CNOT6: variants seen among roughly 807,000 people sequenced by gnomAD.
CNOT6 encodes the protein carbon catabolite repression 4 protein.
A neutral mutation model predicts 61.2 loss-of-function variants in CNOT6; 12 were observed. The ratio of observed to expected loss-of-function variants is 0.20; its 90% CI spans 0.13 to 0.32. The LOEUF (loss-of-function observed/expected upper bound fraction) is 0.32. Ranked by LOEUF, CNOT6 falls within the 10% of genes least tolerant of loss-of-function variation. CNOT6 has a pLI of 1.00. For synonymous variants in CNOT6, 225 were observed against 240.6 expected, an observed-to-expected ratio of 0.94 and a Z score of 0.60; for missense variants, 405 against 663.9, an observed-to-expected ratio of 0.61 and a Z score of 4.28.
At position 180,550,089 on chromosome 5, in the gene CNOT6, G is replaced by T. The variant is rs368192786; in HGVS notation, c.271G>T (p.Ala91Ser). ...LSSNKIRSLPAELGNMVSLRE... is the reference protein window; with the variant it reads ...LSSNKIRSLPSELGNMVSLRE... ...ATCTAATAAAATTCGTAGCTTACCCGCAGAACTCGGAAACATGGTATCACT... is the reference window on the plus strand; with the variant it reads ...ATCTAATAAAATTCGTAGCTTACCCTCAGAACTCGGAAACATGGTATCACT... Residue 91 changes from alanine (A) to serine (S), a missense_variant, in exon 3 of 12, where the codon GCA becomes TCA. Around this residue, in one of 5 missense-constraint regions of CNOT6, gnomAD observed 212 missense variants for 307.1 expected, o/e 0.69. Coordinates refer to ENST00000261951, the MANE Select transcript of CNOT6 (RefSeq NM_001370472.1). The T allele has an allele frequency of 6.2e-7, 1 of 1,613,822 alleles. No individual in the cohort carries two copies. Among genetic ancestry groups the T allele is most frequent in the Non-Finnish European group, 8.5e-7 (1 of 1,179,868 alleles).
chr5:180,574,022 A>G lies in CNOT6; in HGVS notation c.1496A>G (p.Gln499Arg), dbSNP rs951383752. 28 of 1,613,834 alleles carry G rather than the reference A, an allele frequency of 1.7e-5. No homozygotes were observed. Among genetic ancestry groups the G allele is most frequent in the Non-Finnish European group, 2.0e-5 (24 of 1,179,902 alleles). ...GACTACATTTTCTATTCTAAACCTC[A>G]GCTGAACACCTTAGGCATCCTGGGC... Reference protein sequence around the residue: ...IIDYIFYSKPQLNTLGILGPL... With the variant: ...IIDYIFYSKPRLNTLGILGPL... Residue 499 changes from glutamine (Q) to arginine (R), a missense_variant, in exon 12 of 12, where the codon CAG becomes CGG. Gln to Arg is a conservative substitution (Grantham distance 43, BLOSUM62 1). Around this residue, in one of 5 missense-constraint regions of CNOT6, gnomAD observed 52 missense variants for 69.3 expected, o/e 0.75. Transcript: ENST00000261951.
chr5:180,539,540 C>T (rs1581524440), intron 2 of CNOT6, among the ~76,000 whole-genome samples: 1 of 75,642 alleles, frequency 1.3e-5, no homozygotes, highest in Non-Finnish European at 2.8e-5. Flanking sequence ...GACTTCAGTA[C>T]TTTTTCTGTT....
At chr5:180,520,064 C>A (rs1757814725) in intron 1 of CNOT6, among the ~76,000 whole-genome samples, 1 of 151,988 alleles carries the variant, frequency 6.6e-6, no homozygotes, top group Admixed American at 6.6e-5. Flanking sequence ...GAACTCCTGA[C>A]CTCAAGTGAT....
At chr5:180,530,136 T>G (rs1294145232) in intron 2 of CNOT6, among the ~76,000 whole-genome samples, 1 of 152,258 alleles carries the variant, frequency 6.6e-6, no homozygotes, top group Non-Finnish European at 1.5e-5. Context: ...TCCTTTCAGT[T>G]TGTTCTGATT....
chr5:180,538,413 C>T (rs925277579), intron 2 of CNOT6, among the ~76,000 whole-genome samples: 2 of 145,610 alleles, frequency 1.4e-5, no homozygotes, highest in Admixed American at 1.4e-4. Flanking sequence ...AGGCCAGGCG[C>T]GGTGGCTCAC....
At chr5:180,561,619 C>T (rs1199784067) in intron 4 of CNOT6, among the ~76,000 whole-genome samples, 1 of 152,124 alleles carries the variant, frequency 6.6e-6, no homozygotes, top group African/African-American at 2.4e-5. Context: ...TTTTCTTTGC[C>T]TAGCACTGCT....
intron 1 of CNOT6, among the ~76,000 whole-genome samples, chr5:180,495,076 G>T (rs1157466270): frequency 6.6e-6 from 1 of 152,222 alleles, no homozygotes; most frequent in African/African-American, 2.4e-5. Flanking sequence ...GTCGTCGGAG[G>T]AGGCGAGTCC....
chr5:180,514,957 G>A (rs886695413), intron 1 of CNOT6, among the ~76,000 whole-genome samples: 1 of 152,156 alleles, frequency 6.6e-6, no homozygotes, highest in Admixed American at 6.5e-5. Context: ...GGTGATATAT[G>A]CTGTGGTAAA....
chr5:180,549,511 A>G (rs540098268), intron 2 of CNOT6, among the ~76,000 whole-genome samples: 134 of 152,144 alleles, frequency 8.8e-4, no homozygotes, highest in South Asian at 1.5e-3. Flanking sequence ...TTAGCCGGGC[A>G]TGGTGGCGGG....
chr5:180,512,982 G>A (rs947333474), intron 1 of CNOT6, among the ~76,000 whole-genome samples: 7 of 150,750 alleles, frequency 4.6e-5, no homozygotes, highest in African/African-American at 1.7e-4. Flanking sequence ...TGCAAGCTCC[G>A]CCTCCTGGGT....
chr5:180,567,056 A>G (rs1347573015), intron 7 of CNOT6, 32 bp from the exon 8 acceptor site: 1 of 1,573,684 alleles, frequency 6.4e-7, no homozygotes, highest in Non-Finnish European at 8.6e-7. Context: ...TTTTTGTCTT[A>G]TGAAATAACT....
intron 2 of CNOT6, among the ~76,000 whole-genome samples, chr5:180,543,136 G>A (rs1382527966): frequency 6.6e-6 from 1 of 152,104 alleles, no homozygotes; most frequent in East Asian, 1.9e-4. Context: ...TCTGGTCACT[G>A]CAAGCTCTGC....
In CNOT6 at chr5:180,574,490, G is replaced by T; in HGVS notation, c.*290G>T. 1 of 435,296 alleles carries T rather than the reference G, an allele frequency of 2.3e-6. No individual in the cohort carries two copies. Among genetic ancestry groups the T allele is most frequent in the East Asian group, 4.6e-5 (1 of 21,628 alleles). 27.0% of individuals were successfully genotyped at this position (435,296 alleles called of 1,614,324 possible). Reference sequence around the variant, plus strand: ...TACCCAATAGAATATTTTCATGCCTGGAAATAGGAAAATGTGTGAACAGCG... The same window carrying T: ...TACCCAATAGAATATTTTCATGCCTTGAAATAGGAAAATGTGTGAACAGCG... On this transcript the variant is annotated 3_prime_UTR_variant, in exon 12 of 12. Coordinates refer to ENST00000261951, the MANE Select transcript of CNOT6 (RefSeq NM_001370472.1).
intron 1 of CNOT6, among the ~76,000 whole-genome samples, chr5:180,501,830 G>C (rs1390687873): frequency 1.3e-5 from 2 of 152,164 alleles, no homozygotes. Flanking sequence ...ATAGTGCCAA[G>C]AAAGAAGGAG....
At chr5:180,525,727 A>G (rs72812937) in intron 1 of CNOT6, among the ~76,000 whole-genome samples, 2,879 of 152,146 alleles carry the variant, frequency 0.019, 39 homozygotes, top group Non-Finnish European at 0.027. Flanking sequence ...GATAATTGCA[A>G]CTCTGCAGGA....
chr5:180,563,489 G>A (rs868637187), intron 4 of CNOT6, among the ~76,000 whole-genome samples: 2 of 151,860 alleles, frequency 1.3e-5, no homozygotes, highest in African/African-American at 2.4e-5. Flanking sequence ...TGATCCGCCC[G>A]CCTCGGCCTC....
At chr5:180,510,607 A>C (rs879555570) in intron 1 of CNOT6, among the ~76,000 whole-genome samples, 5 of 152,186 alleles carry the variant, frequency 3.3e-5, no homozygotes, top group Non-Finnish European at 7.3e-5. Context: ...TCATAATTGT[A>C]ATTTGAAATT....
At chr5:180,531,251 GC>G (rs1758355369) in intron 2 of CNOT6, among the ~76,000 whole-genome samples, 1 of 148,728 alleles carries the variant, frequency 6.7e-6, no homozygotes, top group African/African-American at 2.5e-5. Flanking sequence ...GGGCAGAGGG[GC>G]TCCTCACTTC....
At chr5:180,563,708 G>A (rs966619357) in intron 4 of CNOT6, among the ~76,000 whole-genome samples, 4 of 152,120 alleles carry the variant, frequency 2.6e-5, no homozygotes, top group Admixed American at 1.3e-4. Flanking sequence ...TTAAAATGGC[G>A]CTGTGGCATC....
Sources: gnomAD v4.1 joint callset for allele counts (sites outside exome capture counted in the v4.1 genomes callset) on GRCh38, gnomAD v4.1.1 for gene constraint, gnomAD v4.1.1 regional missense constraint, MANE v1.5 for transcripts, NCBI Gene and HGNC (gene_info 2026-07-23, HGNC 2026-07-21) for gene names.